Variants in DIAPH3 observed in about 807,000 individuals in gnomAD.
DIAPH3 encodes protein diaphanous homolog 3.
Under a neutral mutation model 144.3 loss-of-function variants are expected in DIAPH3, and 117 were observed. The observed-to-expected ratio is 0.81, with a 90% CI of 0.70 to 0.95. DIAPH3 has a LOEUF of 0.95. DIAPH3 is among the 40% of genes least tolerant of loss of function. The pLI, the probability that DIAPH3 is intolerant of heterozygous loss-of-function variation, is 0.00. For synonymous variants in DIAPH3, 519 were observed against 488.9 expected (o/e 1.06, Z -0.81); for missense variants, 1,421 against 1,412.7 (o/e 1.01, Z -0.09).
chr13:59,980,622 A>G lies in DIAPH3; in HGVS notation c.1545+173T>C, dbSNP rs1476429804. Among the ~76,000 whole-genome samples, 13 of 151,598 alleles carry G rather than the reference A, an allele frequency of 8.6e-5. No individual in the cohort carries two copies. In the Admixed American group the frequency reaches 8.6e-4, roughly 10 times the overall value. On this transcript the variant is annotated intron_variant, in intron 14 of 27. Transcript: ENST00000400324. ...AAGAATAGGGAAGGTCAAGGTTGGG[A>G]GTGGGGAGTTAAGACTTTTTAGATA... is the stretch of plus-strand genomic sequence containing the variant.
chr13:60,116,852 A>G (rs1457247357), intron 2 of DIAPH3, among the ~76,000 whole-genome samples: 2 of 152,072 alleles, frequency 1.3e-5, no homozygotes, highest in South Asian at 2.1e-4. Flanking sequence ...AAAATTAACA[A>G]TATTTTTACT....
At chr13:59,686,941 CT>C (rs2033249202) in intron 27 of DIAPH3, among the ~76,000 whole-genome samples, 1 of 152,098 alleles carries the variant, frequency 6.6e-6, no homozygotes, top group Non-Finnish European at 1.5e-5. Flanking sequence ...ACAGTAACGA[CT>C]TCAGAGCCAT....
At chr13:59,988,568 C>T (rs1035485078) in intron 12 of DIAPH3, among the ~76,000 whole-genome samples, 1 of 151,794 alleles carries the variant, frequency 6.6e-6, no homozygotes, top group Non-Finnish European at 1.5e-5. Flanking sequence ...TAATACACAA[C>T]ATTTCTGGAT....
chr13:59,978,776 A>G (rs1316177065), intron 14 of DIAPH3, among the ~76,000 whole-genome samples: 1 of 151,712 alleles, frequency 6.6e-6, no homozygotes, highest in East Asian at 1.9e-4. Flanking sequence ...AAGAGTTACT[A>G]GAGCGATATT....
intron 27 of DIAPH3, among the ~76,000 whole-genome samples, chr13:59,705,495 C>T (rs1406884497): frequency 6.6e-6 from 1 of 152,058 alleles, no homozygotes; most frequent in African/African-American, 2.4e-5. Context: ...TGGAGTGAGG[C>T]CTGATAAAAA....
At chr13:60,072,151 A>C (rs2057233059) in intron 4 of DIAPH3, among the ~76,000 whole-genome samples, 1 of 152,124 alleles carries the variant, frequency 6.6e-6, no homozygotes, top group Non-Finnish European at 1.5e-5. Context: ...ATAATCTACA[A>C]GTCTCTTCTC....
intron 1 of DIAPH3, among the ~76,000 whole-genome samples, chr13:60,138,028 A>C (rs1323017884): frequency 1.3e-5 from 2 of 152,068 alleles, no homozygotes; most frequent in Non-Finnish European, 1.5e-5. Flanking sequence ...CTGGCCAAAA[A>C]TTTACGTCAT....
intron 27 of DIAPH3, among the ~76,000 whole-genome samples, chr13:59,727,462 T>TA (rs1360725657): frequency 6.6e-6 from 1 of 152,220 alleles, no homozygotes; most frequent in African/African-American, 2.4e-5. Context: ...AAAATATGGA[T>TA]AAATGTGTGG....
intron 1 of DIAPH3, among the ~76,000 whole-genome samples, chr13:60,149,503 CACTTTAAGAGGCTGAGGTAGAAGAACT>C (rs1951685215): frequency 6.6e-6 from 1 of 152,138 alleles, no homozygotes; most frequent in Admixed American, 6.5e-5. Context: ...ACAATCCCAG[CACTTTAAGAGGCTGAGGTAGAAGAACT>C]ACTTTAGCCC....
chr13:59,861,457 T>C lies in DIAPH3; in HGVS notation c.2687A>G (p.Asp896Gly). ...LVEICEEKYPDILNFVDDLEP... is the reference protein window; with the variant it reads ...LVEICEEKYPGILNFVDDLEP... ...CAAATCATCCACAAAATTCAGTATA[T>C]CAGGGTACTTCTCTTCACATATTTC... The change falls in exon 22 of 28, where the codon GAT becomes GGT. Residue 896 changes from aspartate (D) to glycine (G), a missense_variant. Coordinates refer to ENST00000400324, the MANE Select transcript of DIAPH3 (RefSeq NM_001042517.2). 6.2e-7 allele frequency: 1 copy of C among 1,613,786 alleles called. No individual in the cohort carries two copies.
At chr13:60,088,094 A>G (rs1331430575) in intron 4 of DIAPH3, among the ~76,000 whole-genome samples, 1 of 152,188 alleles carries the variant, frequency 6.6e-6, no homozygotes, top group Non-Finnish European at 1.5e-5. Flanking sequence ...GGAGTGCAAC[A>G]TGCTAAGAGG....
At chr13:59,891,409 A>G (rs1291378251) in intron 20 of DIAPH3, among the ~76,000 whole-genome samples, 1 of 151,888 alleles carries the variant, frequency 6.6e-6, no homozygotes, top group African/African-American at 2.4e-5. Context: ...ACTAGAAAGC[A>G]TCATGTTTCC....
chr13:59,875,708 T>C (rs971565455), intron 21 of DIAPH3, among the ~76,000 whole-genome samples: 6 of 152,216 alleles, frequency 3.9e-5, no homozygotes, highest in East Asian at 3.8e-4. Flanking sequence ...CAAGCACCTA[T>C]ATAGCAACTT....
intron 27 of DIAPH3, among the ~76,000 whole-genome samples, chr13:59,691,863 G>A (rs2033541830): frequency 6.6e-6 from 1 of 152,120 alleles, no homozygotes; most frequent in Non-Finnish European, 1.5e-5. Context: ...ATAAACAAAA[G>A]GATACAGTCC....
chr13:59,702,432 T>C (rs370564482), intron 27 of DIAPH3, among the ~76,000 whole-genome samples: 12 of 152,324 alleles, frequency 7.9e-5, no homozygotes, highest in African/African-American at 2.9e-4. Context: ...ATTCACAGTG[T>C]GGAAAAGCTG....
rs569780023 is a variant in DIAPH3, at chr13:60,095,696, C to G, written c.391-1964G>C. Among the ~76,000 whole-genome samples the G allele has an allele frequency of 2.8e-3, 421 of 152,042 alleles. 2 individuals are homozygous for G. The highest frequency in any genetic ancestry group is 4.9e-3 in the Non-Finnish European group (332 of 67,980). Reference sequence around the variant, plus strand: ...GTTGTGACTAGAAAACATGTTCTGCCAGTCTCCTATTCCAGAAATAGATGT... The same window carrying G: ...GTTGTGACTAGAAAACATGTTCTGCGAGTCTCCTATTCCAGAAATAGATGT... On this transcript the variant is annotated intron_variant, in intron 3 of 27. Coordinates refer to ENST00000400324, the MANE Select transcript of DIAPH3 (RefSeq NM_001042517.2).
At chr13:59,871,199 G>C (rs376615688) in intron 21 of DIAPH3, among the ~76,000 whole-genome samples, 71 of 145,282 alleles carry the variant, frequency 4.9e-4, no homozygotes, top group Middle Eastern at 3.6e-3. Flanking sequence ...TTTTTTTGGG[G>C]GGGGGGGTGG....
intron 7 of DIAPH3, among the ~76,000 whole-genome samples, chr13:60,011,235 G>A (rs2053240502): frequency 6.6e-6 from 1 of 152,162 alleles, no homozygotes; most frequent in Non-Finnish European, 1.5e-5. Context: ...GACAGGTTAA[G>A]TAGCCAAATT....
intron 4 of DIAPH3, among the ~76,000 whole-genome samples, chr13:60,050,664 C>G (rs984802528): frequency 6.6e-6 from 1 of 152,114 alleles, no homozygotes; most frequent in Non-Finnish European, 1.5e-5. Flanking sequence ...AGTATGCCAT[C>G]CCCTGATAGG....
Sources: allele counts gnomAD v4.1 joint callset (sites outside exome capture counted in the v4.1 genomes callset), GRCh38; gene constraint gnomAD v4.1.1; transcripts MANE v1.5; gene names NCBI Gene and HGNC (gene_info 2026-07-23, HGNC 2026-07-21).